PSD3: variants seen among roughly 807,000 people sequenced by gnomAD.
PSD3 encodes pleckstrin and Sec7 domain containing 3.
In PSD3, 49 loss-of-function variants were observed where a neutral mutation model predicts 105.5. The observed-to-expected ratio is 0.46, with a 90% confidence interval of 0.37 to 0.59. The LOEUF (loss-of-function observed/expected upper bound fraction) is 0.59. Ranked by LOEUF, PSD3 falls within the 20% of genes least tolerant of loss-of-function variation. The pLI is 0.00. For synonymous variants in PSD3, 557 were observed against 457.8 expected (o/e 1.22, Z -2.77); for missense variants, 1,561 against 1,263.8 (o/e 1.24, Z -3.57).
intron 1 of PSD3, among the ~76,000 whole-genome samples, chr8:19,028,975 T>C (rs1827663268): frequency 6.6e-6 from 1 of 152,178 alleles, no homozygotes; most frequent in Non-Finnish European, 1.5e-5. Context: ...CAATTGACCA[T>C]TATATATGTG....
chr8:18,919,384 CT>C (rs1820839723), intron 2 of PSD3, among the ~76,000 whole-genome samples: 1 of 152,094 alleles, frequency 6.6e-6, no homozygotes, highest in Non-Finnish European at 1.5e-5. Context: ...GTTATTGCCC[CT>C]GACCCGTGAG....
At chr8:18,719,648 A>C (rs531849720) in intron 9 of PSD3, among the ~76,000 whole-genome samples, 1 of 152,346 alleles carries the variant, frequency 6.6e-6, no homozygotes, top group South Asian at 2.1e-4. Context: ...GAACATTTGC[A>C]GGTCAAGGAA....
intron 1 of PSD3, among the ~76,000 whole-genome samples, chr8:19,031,326 A>C (rs1308098716): frequency 2.6e-5 from 4 of 152,198 alleles, no homozygotes. Context: ...AAGTATCAAT[A>C]ATAAGCATAT....
At chr8:19,005,016 G>A (rs1563502817) in intron 1 of PSD3, among the ~76,000 whole-genome samples, 1 of 152,038 alleles carries the variant, frequency 6.6e-6, no homozygotes, top group East Asian at 1.9e-4. Flanking sequence ...TTTATCAGCA[G>A]TGTGAAAATG....
intron 9 of PSD3, among the ~76,000 whole-genome samples, chr8:18,755,221 G>A (rs988946286): frequency 6.6e-6 from 1 of 152,024 alleles, no homozygotes; most frequent in Non-Finnish European, 1.5e-5. Flanking sequence ...TTGAGGCTAG[G>A]AGTTCGAGAC....
intron 4 of PSD3, among the ~76,000 whole-genome samples, chr8:18,818,809 T>C (rs1016299590): frequency 6.6e-6 from 1 of 152,142 alleles, no homozygotes; most frequent in African/African-American, 2.4e-5. Context: ...TATAATCTTA[T>C]ATTAGTGACA....
intron 1 of PSD3, among the ~76,000 whole-genome samples, chr8:19,027,904 T>A (rs953261858): frequency 2.0e-5 from 3 of 152,240 alleles, no homozygotes; most frequent in Admixed American, 2.0e-4. Flanking sequence ...TGAACATCTA[T>A]GTTTAATTTT....
exon 1 of PSD3, chr8:19,084,634 C>A: frequency 1.4e-5 from 5 of 348,316 alleles, no homozygotes; most frequent in South Asian, 8.5e-5. Context: ...CTGCAATCAC[C>A]ACCCCTGCTT....
At chr8:18,686,699 CTTA>C (rs1417311487) in intron 9 of PSD3, among the ~76,000 whole-genome samples, 1 of 152,162 alleles carries the variant, frequency 6.6e-6, no homozygotes, top group East Asian at 1.9e-4. Flanking sequence ...TCTCACTCTT[CTTA>C]TCTTTGTCAG....
At chr8:18,740,137 C>G (rs1176122206) in intron 9 of PSD3, among the ~76,000 whole-genome samples, 1 of 152,210 alleles carries the variant, frequency 6.6e-6, no homozygotes. Flanking sequence ...ACCCACTCCA[C>G]ATTCCCCTAG....
intron 10 of PSD3, among the ~76,000 whole-genome samples, chr8:18,642,617 G>T (rs1245008578): frequency 6.6e-6 from 1 of 152,090 alleles, no homozygotes; most frequent in African/African-American, 2.4e-5. Context: ...GGACAAGTAG[G>T]CTACTAACAT....
intron 4 of PSD3, among the ~76,000 whole-genome samples, chr8:18,815,128 A>T (rs1279161294): frequency 1.2e-4 from 19 of 152,168 alleles, no homozygotes; most frequent in Admixed American, 1.2e-3. Context: ...TAAATGCTAC[A>T]ATCTAGCCAG....
chr8:18,738,582 C>T (rs1804327498), intron 9 of PSD3, among the ~76,000 whole-genome samples: 1 of 152,118 alleles, frequency 6.6e-6, no homozygotes, highest in South Asian at 2.1e-4. Flanking sequence ...ATTTTTAATA[C>T]AGTAATCATT....
chr8:18,765,602 TATG>T, intron 8 of PSD3, 64 bp from the exon 9 acceptor site: 1 of 1,291,932 alleles, frequency 7.7e-7, no homozygotes. Flanking sequence ...TTCATAAATA[TATG>T]ATGAGGCAGA....
At chr8:18,827,691 G>A (rs1026829316) in intron 4 of PSD3, among the ~76,000 whole-genome samples, 2 of 152,080 alleles carry the variant, frequency 1.3e-5, no homozygotes, top group Non-Finnish European at 2.9e-5. Flanking sequence ...GGGTCGAGGT[G>A]ACAGATGAGA....
At chr8:18,769,944 C>A (rs1807355817) in intron 8 of PSD3, among the ~76,000 whole-genome samples, 1 of 152,064 alleles carries the variant, frequency 6.6e-6, no homozygotes, top group South Asian at 2.1e-4. Flanking sequence ...TATAAATATT[C>A]ATGTATAAGT....
intron 14 of PSD3, among the ~76,000 whole-genome samples, chr8:18,558,765 G>A (rs1335912974): frequency 6.6e-6 from 1 of 152,162 alleles, no homozygotes; most frequent in African/African-American, 2.4e-5. Context: ...AGGCTGCAGT[G>A]AGTCGAGGTT....
At chr8:18,781,752 G>T (rs1251819583) in intron 8 of PSD3, among the ~76,000 whole-genome samples, 2 of 152,122 alleles carry the variant, frequency 1.3e-5, no homozygotes, top group Non-Finnish European at 2.9e-5. Flanking sequence ...TCTCTTCCAA[G>T]ACTTGAGAAG....
chr8:18,752,157 T>C (rs956893239), intron 9 of PSD3, among the ~76,000 whole-genome samples: 1 of 151,902 alleles, frequency 6.6e-6, no homozygotes, highest in Non-Finnish European at 1.5e-5. Flanking sequence ...TATCTGATCA[T>C]AGGTATAGCT....
Sources: gnomAD v4.1 joint callset for allele counts (sites outside exome capture counted in the v4.1 genomes callset) on GRCh38, gnomAD v4.1.1 for gene constraint, MANE v1.5 for transcripts, NCBI Gene and HGNC (gene_info 2026-07-23, HGNC 2026-07-21) for gene names.